The following SCMH1 variants were observed in gnomAD, a reference collection of about 807,000 sequenced individuals.
The protein encoded by SCMH1 is polycomb protein SCMH1.
A neutral mutation model predicts 70.8 loss-of-function variants in SCMH1; 37 were observed. The ratio of observed to expected loss-of-function variants is 0.52; its 90% confidence interval spans 0.40 to 0.69. The LOEUF (loss-of-function observed/expected upper bound fraction) is 0.69, where lower values mean the gene tolerates loss of function less well. SCMH1 is among the 30% of genes least tolerant of loss of function. The pLI is 0.00. For missense variants in SCMH1, 607 were observed against 827.3 expected, an observed-to-expected ratio of 0.73 and a Z score of 3.27; for synonymous variants, 292 against 307.4, an observed-to-expected ratio of 0.95 and a Z score of 0.52.
At chr1:41,090,583 G>A (rs1364865003) in intron 8 of SCMH1, among the ~76,000 whole-genome samples, 1 of 151,336 alleles carries the variant, frequency 6.6e-6, no homozygotes, top group Non-Finnish European at 1.5e-5. Context: ...CAATAACCCT[G>A]ATTTAATCCT....
chr1:41,072,059 C>T (rs528321502), intron 9 of SCMH1, among the ~76,000 whole-genome samples: 1 of 152,252 alleles, frequency 6.6e-6, no homozygotes, highest in Non-Finnish European at 1.5e-5. Context: ...TGCTGGGAGC[C>T]ATATCAACCT....
At chr1:41,116,773 G>T in intron 7 of SCMH1, 149 bp downstream of exon 7, 1 of 510,300 alleles carries the variant, frequency 2.0e-6, no homozygotes, top group Non-Finnish European at 3.5e-6. Context: ...ATTCCTCTGG[G>T]GATAATTGCT....
chr1:41,067,912 T>G (rs1274990583), intron 10 of SCMH1, among the ~76,000 whole-genome samples: 1 of 152,150 alleles, frequency 6.6e-6, no homozygotes, highest in South Asian at 2.1e-4. Flanking sequence ...AGCAAGTATA[T>G]AGGAAATCTC....
At chr1:41,175,846 A>G (rs1008471413) in intron 2 of SCMH1, among the ~76,000 whole-genome samples, 9 of 152,194 alleles carry the variant, frequency 5.9e-5, no homozygotes, top group African/African-American at 2.2e-4. Flanking sequence ...AATCATCAGT[A>G]AAGATTAAAA....
chr1:41,096,244 C>T (rs771558147), intron 8 of SCMH1, among the ~76,000 whole-genome samples: 1 of 152,136 alleles, frequency 6.6e-6, no homozygotes, highest in Non-Finnish European at 1.5e-5. Flanking sequence ...CTTATGTCAT[C>T]TAGTTTAACC....
chr1:41,056,582 A>G (rs1389711056), intron 10 of SCMH1, among the ~76,000 whole-genome samples: 1 of 152,254 alleles, frequency 6.6e-6, no homozygotes, highest in African/African-American at 2.4e-5. Flanking sequence ...AAGCTGAATA[A>G]GCTGAAAAGT....
intron 1 of SCMH1, among the ~76,000 whole-genome samples, chr1:41,208,850 C>G (rs1656275499): frequency 6.6e-6 from 1 of 152,044 alleles, no homozygotes; most frequent in African/African-American, 2.4e-5. Flanking sequence ...CATTCAAAAG[C>G]TAGCGGAAGG....
intron 1 of SCMH1, among the ~76,000 whole-genome samples, chr1:41,230,839 T>G (rs997930957): frequency 2.6e-5 from 4 of 152,104 alleles, no homozygotes; most frequent in African/African-American, 7.2e-5. Context: ...TCAATATAAT[T>G]TTTTTGGCAC....
At chr1:41,194,306 T>A (rs1652466124) in intron 1 of SCMH1, among the ~76,000 whole-genome samples, 1 of 152,212 alleles carries the variant, frequency 6.6e-6, no homozygotes, top group Admixed American at 6.5e-5. Flanking sequence ...CTACTATGTA[T>A]AAATACAGGT....
chr1:41,085,838 C>CTT (rs59678945), intron 8 of SCMH1, among the ~76,000 whole-genome samples: 20 of 85,604 alleles, frequency 2.3e-4, no homozygotes, highest in East Asian at 3.6e-4. Flanking sequence ...ATTTCACCTG[C>CTT]TTTTTTTTTT....
At chr1:41,201,365 C>T (rs906137319) in intron 1 of SCMH1, among the ~76,000 whole-genome samples, 3 of 152,190 alleles carry the variant, frequency 2.0e-5, no homozygotes, top group Admixed American at 6.5e-5. Flanking sequence ...TGAGAAGTCA[C>T]TTCCTCAGGG....
At chr1:41,173,688 A>C (rs1321302323) in intron 2 of SCMH1, among the ~76,000 whole-genome samples, 1 of 152,232 alleles carries the variant, frequency 6.6e-6, no homozygotes. Flanking sequence ...CACTATTCAT[A>C]ATAGTCAAGA....
intron 1 of SCMH1, among the ~76,000 whole-genome samples, chr1:41,208,679 A>G (rs1032045472): frequency 6.6e-6 from 1 of 152,202 alleles, no homozygotes; most frequent in African/African-American, 2.4e-5. Flanking sequence ...TTTGAAACCA[A>G]TGAGAACAAA....
chr1:41,046,573 G>A, exon 12 of SCMH1: 3 of 1,614,138 alleles, frequency 1.9e-6, no homozygotes, highest in East Asian at 2.2e-5. Flanking sequence ...GGAGGTTGAG[G>A]GTATGCTGTT....
chr1:41,176,189 C>CAAAAAAAAAA (rs61348122), intron 2 of SCMH1, among the ~76,000 whole-genome samples: 56 of 109,566 alleles, frequency 5.1e-4, no homozygotes, highest in African/African-American at 9.5e-4. Context: ...CCAAAAAAAA[C>CAAAAAAAAAA]AAAAAAAAAA....
At chr1:41,152,103 T>TA (rs1645123223) in intron 4 of SCMH1, among the ~76,000 whole-genome samples, 2 of 152,180 alleles carry the variant, frequency 1.3e-5, no homozygotes, top group South Asian at 4.2e-4. Context: ...TAACACCCAA[T>TA]ATGGTTGGAT....
At chr1:41,143,814 G>A (rs533600031) in intron 5 of SCMH1, among the ~76,000 whole-genome samples, 61 of 152,228 alleles carry the variant, frequency 4.0e-4, no homozygotes, top group Admixed American at 2.5e-3. Context: ...ATTGCTTTGC[G>A]TTTTCTAGTC....
At chr1:41,115,395 A>T (rs943753855) in intron 7 of SCMH1, among the ~76,000 whole-genome samples, 1 of 152,062 alleles carries the variant, frequency 6.6e-6, no homozygotes, top group African/African-American at 2.4e-5. Flanking sequence ...CTTCCTGGTG[A>T]ACTGTACTTT....
intron 1 of SCMH1, among the ~76,000 whole-genome samples, chr1:41,233,187 C>CTATATATAAGCCATA (rs138441556): frequency 7.9e-5 from 12 of 152,124 alleles, no homozygotes; most frequent in East Asian, 1.9e-4. Flanking sequence ...CTCTTAATCC[C>CTATATATAAGCCATA]TATATATAAG....
Sources: allele counts gnomAD v4.1 joint callset (sites outside exome capture counted in the v4.1 genomes callset), GRCh38; gene constraint gnomAD v4.1.1; transcripts MANE v1.5; gene names NCBI Gene and HGNC (gene_info 2026-07-23, HGNC 2026-07-21).